The following UNC93A variants were observed in gnomAD, a reference collection of about 807,000 sequenced individuals.
The protein encoded by UNC93A is unc-93 homolog A.
In UNC93A, 43 loss-of-function variants were observed where a neutral mutation model predicts 47.5. The ratio of observed to expected loss-of-function variants is 0.91; its 90% CI spans 0.71 to 1.17. The LOEUF (loss-of-function observed/expected upper bound fraction) is 1.17. UNC93A is among the 50% of genes most tolerant of loss of function. The probability of loss-of-function intolerance (pLI) is 0.00; values close to 1 mark genes in which losing one functional copy is unlikely to be tolerated. For missense variants in UNC93A, 605 were observed against 577.6 expected (o/e 1.05, Z -0.49); for synonymous variants, 280 against 258.0 (o/e 1.09, Z -0.82).
At chr6:167,273,761 G>A (rs1258225424) in intron 1 of UNC93A, among the ~76,000 whole-genome samples, 1 of 152,042 alleles carries the variant, frequency 6.6e-6, no homozygotes, top group African/African-American at 2.4e-5. Flanking sequence ...GGGGCTTCCA[G>A]ATCACAGGCA....
At chr6:167,304,822 G>A (rs950566299) in intron 5 of UNC93A, among the ~76,000 whole-genome samples, 25 of 152,092 alleles carry the variant, frequency 1.6e-4, no homozygotes, top group African/African-American at 5.6e-4. Context: ...TGCCTGCCTC[G>A]GCCTCCCAAA....
At chr6:167,310,673 G>T (rs1401941115) in intron 7 of UNC93A, among the ~76,000 whole-genome samples, 4 of 152,176 alleles carry the variant, frequency 2.6e-5, no homozygotes, top group African/African-American at 9.7e-5. Context: ...TTAAGCTCAG[G>T]AGTTCAAGAC....
rs957799342 is a variant in UNC93A, at chr6:167,291,454, C to T, written c.-36C>T. ...TTTCTTTTAGGGAGCTACAAATTTACGTGTTCACTGGTGATTGATCTTTTC... is the reference window on the plus strand; with the variant it reads ...TTTCTTTTAGGGAGCTACAAATTTATGTGTTCACTGGTGATTGATCTTTTC... On this transcript the variant is annotated 5_prime_UTR_variant, in exon 1 of 8. The change creates a new upstream start codon in the 5' untranslated region. Coordinates refer to ENST00000230256, the MANE Select transcript of UNC93A (RefSeq NM_018974.4). The T allele has an allele frequency of 1.4e-5, 22 of 1,590,170 alleles. No homozygotes were observed. The highest frequency in any genetic ancestry group is 3.4e-5 in the South Asian group (3 of 88,006).
Position 167,291,558 on chromosome 6 carries a change from A to C in UNC93A, c.69A>C (p.Gly23=). 1.2e-6 allele frequency: 2 copies of C among 1,613,178 alleles called. No homozygotes were observed. The highest frequency in any genetic ancestry group is 8.5e-7 in the Non-Finnish European group (1 of 1,179,598). ...FGFLLLFTAY[G]GLQSLQSSLY... ...TCCTGCTTCTCTTTACAGCCTATGG[A>C]GGTCTGCAGAGCCTGCAGGTATGTG... is the stretch of plus-strand genomic sequence containing the variant. The change falls in exon 1 of 8, where the codon GGA becomes GGC. Residue 23 remains glycine, a synonymous_variant. Transcript: ENST00000230256.
intron 2 of UNC93A, among the ~76,000 whole-genome samples, chr6:167,295,277 T>C (rs1302245304): frequency 6.6e-6 from 1 of 152,244 alleles, no homozygotes; most frequent in Non-Finnish European, 1.5e-5. Flanking sequence ...CTGCTGATGA[T>C]GGCTGCAAGT....
chr6:167,315,277 G>T lies in UNC93A; in HGVS notation c.1199G>T (p.Gly400Val). The change falls in exon 8 of 8, where the codon GGG becomes GTG. Residue 400 changes from glycine to valine, a missense_variant. By Grantham distance (109) the Gly-to-Val change is moderately radical (BLOSUM62 -3). Coordinates refer to ENST00000230256, the MANE Select transcript of UNC93A (RefSeq NM_018974.4). Reference protein sequence around the residue: ...WEALGFVIAFGYSMFLCVHVK... With the variant: ...WEALGFVIAFVYSMFLCVHVK... ...GCCCTGGGCTTCGTCATTGCCTTCG[G>T]GTACAGCATGTTTTTGTGCGTGCAC... The T allele has an allele frequency of 6.2e-7, 1 of 1,613,208 alleles. No individual in the cohort carries two copies. The highest frequency in any genetic ancestry group is 8.5e-7 in the Non-Finnish European group (1 of 1,179,700).
At position 167,305,989 on chromosome 6, in the gene UNC93A, G is replaced by A. The variant is rs764949765; in HGVS notation, c.915G>A (p.Leu305=). The A allele has an allele frequency of 1.2e-6, 2 of 1,614,190 alleles. No homozygotes were observed. The highest frequency in any genetic ancestry group is 1.7e-6 in the Non-Finnish European group (2 of 1,180,046). ...TCTGCTTCTCGGCCACTGACGCGCT[G>A]TGCTCCGTGTTGTATGGAAAGGTCT... The part of the protein sequence containing the change: ...VMICFSATDA[L]CSVLYGKVSQ... The change falls in exon 6 of 8, where the codon CTG becomes CTA. Residue 305 remains leucine (L), a synonymous_variant. Transcript: ENST00000230256.
At chr6:167,286,977 CAAAAAAA>C (rs548370859), upstream of UNC93A, among the ~76,000 whole-genome samples, 1 of 109,990 alleles carries the variant, frequency 9.1e-6, no homozygotes, top group African/African-American at 3.2e-5. Context: ...GACTCTGTCT[CAAAAAAA>C]AAAAAAAAAA....
At chr6:167,301,906 C>A (rs892038639) in intron 4 of UNC93A, among the ~76,000 whole-genome samples, 1 of 152,132 alleles carries the variant, frequency 6.6e-6, no homozygotes, top group African/African-American at 2.4e-5. Flanking sequence ...GGCGTGACAA[C>A]CTGCCAGACC....
chr6:167,274,369 G>A (rs981484923), intron 1 of UNC93A, among the ~76,000 whole-genome samples: 7 of 152,140 alleles, frequency 4.6e-5, no homozygotes, highest in African/African-American at 1.7e-4. Flanking sequence ...TTCCACGTTC[G>A]GTCCGTCCTC....
intron 3 of UNC93A, among the ~76,000 whole-genome samples, chr6:167,296,851 C>T (rs752430921): frequency 2.0e-5 from 3 of 152,206 alleles, no homozygotes; most frequent in Admixed American, 6.5e-5. Flanking sequence ...CTCTTTCATG[C>T]TTACAGGAAA....
chr6:167,273,272 A>G (rs12525994), intron 1 of UNC93A, among the ~76,000 whole-genome samples: 57,885 of 151,954 alleles, frequency 0.38, 11,414 homozygotes, highest in African/African-American at 0.46. Context: ...CCAGAGCAAT[A>G]AGGAAGCAGG....
chr6:167,282,351 G>T (rs1783647864), intron 1 of UNC93A, among the ~76,000 whole-genome samples: 1 of 152,038 alleles, frequency 6.6e-6, no homozygotes, highest in African/African-American at 2.4e-5. Flanking sequence ...CACCTGATGG[G>T]GTCAAGAGAA....
chr6:167,298,070 G>T lies in UNC93A; in HGVS notation c.625G>T (p.Gly209Trp), dbSNP rs752056401. The T allele has an allele frequency of 1.7e-5, 27 of 1,613,436 alleles. No homozygotes were observed. The highest frequency in any genetic ancestry group is 2.3e-5 in the Non-Finnish European group (27 of 1,179,822). Reference sequence around the variant, plus strand: ...CTACACCCTCCTGGGCATCTACACTGGTACGAGCTCCATCGGCCCAGGGCA... The same window carrying T: ...CTACACCCTCCTGGGCATCTACACTTGTACGAGCTCCATCGGCCCAGGGCA... ...LVYTLLGIYT[G>W]SGVLAVLMIA... The change falls in exon 4 of 8, where the codon GGG (glycine) becomes TGG (tryptophan). Residue 209 changes from glycine (G) to tryptophan (W), a missense_variant and splice_region_variant. Transcript: ENST00000230256.
chr6:167,288,196 A>C (rs1783774350), upstream of UNC93A, among the ~76,000 whole-genome samples: 1 of 152,160 alleles, frequency 6.6e-6, no homozygotes, highest in East Asian at 1.9e-4. Flanking sequence ...AATGGAAATT[A>C]GCTAAGGGTC....
chr6:167,276,111 G>A (rs206973), intron 1 of UNC93A, among the ~76,000 whole-genome samples: 3,821 of 136,988 alleles, frequency 0.028, 169 homozygotes, highest in African/African-American at 0.09. Context: ...GTGTGGTGTT[G>A]AACTTTCTGT....
chr6:167,302,950 G>A (rs1778282357), intron 4 of UNC93A, among the ~76,000 whole-genome samples: 3 of 152,170 alleles, frequency 2.0e-5, no homozygotes, highest in African/African-American at 4.8e-5. Flanking sequence ...CCCAGGCTGT[G>A]ACCCTTCCCT....
intron 7 of UNC93A, among the ~76,000 whole-genome samples, chr6:167,312,695 G>A (rs1306695045): frequency 6.6e-6 from 1 of 152,194 alleles, no homozygotes; most frequent in African/African-American, 2.4e-5. Flanking sequence ...TTTTACATGT[G>A]TACAGTCATT....
intron 7 of UNC93A, among the ~76,000 whole-genome samples, chr6:167,308,916 C>T (rs1047360601): frequency 1.3e-5 from 2 of 152,052 alleles, no homozygotes; most frequent in Non-Finnish European, 2.9e-5. Context: ...GAGCCAAATG[C>T]CAAAGTCCTC....
Sources: gnomAD v4.1 joint callset for allele counts (sites outside exome capture counted in the v4.1 genomes callset) on GRCh38, gnomAD v4.1.1 for gene constraint, MANE v1.5 for transcripts, NCBI Gene and HGNC (gene_info 2026-07-23, HGNC 2026-07-21) for gene names.